Variants in CRIM1 observed in about 807,000 individuals in gnomAD.
CRIM1 encodes cysteine-rich motor neuron 1 protein.
A neutral mutation model predicts 116.4 loss-of-function variants in CRIM1; 32 were observed. The observed-to-expected ratio is 0.27, with a 90% confidence interval of 0.21 to 0.37. The LOEUF (loss-of-function observed/expected upper bound fraction) is 0.37. Ranked by LOEUF, CRIM1 falls within the 10% of genes least tolerant of loss-of-function variation. The pLI is 1.00. For missense variants in CRIM1, 1,331 were observed against 1,354.8 expected, an observed-to-expected ratio of 0.98 and a Z score of 0.28; for synonymous variants, 590 against 509.2, an observed-to-expected ratio of 1.16 and a Z score of -2.13.
intron 4 of CRIM1, among the ~76,000 whole-genome samples, chr2:36,449,035 T>G (rs1240722507): frequency 4.4e-5 from 3 of 67,996 alleles, no homozygotes; most frequent in Non-Finnish European, 6.6e-5. Context: ...TTTTGACTTG[T>G]TTTTTTTTTT....
At chr2:36,536,774 C>CT (rs900571316) in intron 13 of CRIM1, among the ~76,000 whole-genome samples, 4 of 151,168 alleles carry the variant, frequency 2.6e-5, no homozygotes, top group Admixed American at 6.6e-5. Context: ...ACAAATAGCT[C>CT]TTTTTTTCTC....
chr2:36,410,935 A>T (rs1172778893), intron 2 of CRIM1, among the ~76,000 whole-genome samples: 2 of 152,152 alleles, frequency 1.3e-5, no homozygotes, highest in African/African-American at 4.8e-5. Context: ...TCCTGCTCTG[A>T]CCTCAGAGGA....
At chr2:36,366,119 C>T (rs1318821941) in intron 1 of CRIM1, among the ~76,000 whole-genome samples, 1 of 152,192 alleles carries the variant, frequency 6.6e-6, no homozygotes, top group Non-Finnish European at 1.5e-5. Flanking sequence ...ATTCATAAGG[C>T]AGATGCTTTA....
intron 2 of CRIM1, among the ~76,000 whole-genome samples, chr2:36,415,111 A>G (rs1449878741): frequency 6.6e-6 from 1 of 152,070 alleles, no homozygotes; most frequent in Non-Finnish European, 1.5e-5. Context: ...ATTTGGAAAT[A>G]CAGTTAAAAG....
chr2:36,472,918 T>A (rs1678647616), intron 5 of CRIM1, among the ~76,000 whole-genome samples: 1 of 152,238 alleles, frequency 6.6e-6, no homozygotes, highest in South Asian at 2.1e-4. Context: ...CATGGTAAGA[T>A]GATTCTTTTT....
chr2:36,527,508 T>C (rs1665833545), intron 13 of CRIM1, among the ~76,000 whole-genome samples: 1 of 152,078 alleles, frequency 6.6e-6, no homozygotes, highest in Non-Finnish European at 1.5e-5. Context: ...TGTCACTGTA[T>C]AGTGATCTTC....
At chr2:36,386,572 A>G (rs977959318) in intron 1 of CRIM1, among the ~76,000 whole-genome samples, 2 of 152,208 alleles carry the variant, frequency 1.3e-5, no homozygotes, top group Admixed American at 1.3e-4. Flanking sequence ...GATTAAATTC[A>G]TGTGCTCGTC....
intron 2 of CRIM1, among the ~76,000 whole-genome samples, chr2:36,424,491 A>C (rs1674303716): frequency 6.6e-6 from 1 of 152,172 alleles, no homozygotes. Flanking sequence ...GACATATCTG[A>C]TGAAAAGCAC....
At chr2:36,370,614 A>G (rs933091404) in intron 1 of CRIM1, among the ~76,000 whole-genome samples, 26 of 152,352 alleles carry the variant, frequency 1.7e-4, no homozygotes, top group African/African-American at 6.3e-4. Context: ...AAAATAATCC[A>G]GGTTATTATA....
chr2:36,409,557 A>G (rs898465326), intron 2 of CRIM1, among the ~76,000 whole-genome samples: 1 of 152,196 alleles, frequency 6.6e-6, no homozygotes, highest in African/African-American at 2.4e-5. Context: ...ACCTCGCCCT[A>G]AGAAGTCTAG....
intron 2 of CRIM1, among the ~76,000 whole-genome samples, chr2:36,401,762 G>C (rs572719327): frequency 3.7e-4 from 57 of 152,368 alleles, no homozygotes; most frequent in African/African-American, 1.3e-3. Context: ...AATCAGAAAT[G>C]TGAAACCATG....
chr2:36,483,842 A>G (rs1212341719), intron 7 of CRIM1, among the ~76,000 whole-genome samples: 1 of 152,214 alleles, frequency 6.6e-6, no homozygotes, highest in Non-Finnish European at 1.5e-5. Context: ...AGACCCTGAT[A>G]CAGGGTTACC....
intron 15 of CRIM1, among the ~76,000 whole-genome samples, chr2:36,544,872 T>G (rs1172693684): frequency 6.6e-6 from 1 of 152,204 alleles, no homozygotes; most frequent in Non-Finnish European, 1.5e-5. Flanking sequence ...CACTGTCTCT[T>G]GTAGATTCCG....
intron 14 of CRIM1, among the ~76,000 whole-genome samples, chr2:36,543,684 TCTG>T (rs1031265987): frequency 7.4e-6 from 1 of 135,162 alleles, no homozygotes; most frequent in African/African-American, 3.0e-5. Flanking sequence ...TGAGAAAAGT[TCTG>T]ATTTTTTTTT....
chr2:36,427,898 T>C (rs910702442), intron 2 of CRIM1, among the ~76,000 whole-genome samples: 2 of 152,340 alleles, frequency 1.3e-5, no homozygotes, highest in Admixed American at 1.3e-4. Context: ...TGTGGCTGGG[T>C]AGCCTATCAG....
intron 1 of CRIM1, among the ~76,000 whole-genome samples, chr2:36,396,372 A>T (rs974171593): frequency 1.3e-5 from 2 of 152,176 alleles, no homozygotes; most frequent in Non-Finnish European, 2.9e-5. Flanking sequence ...GTGGTTTTTT[A>T]TTTCCAACCT....
intron 7 of CRIM1, among the ~76,000 whole-genome samples, chr2:36,486,462 G>A (rs1265647014): frequency 2.6e-5 from 4 of 152,038 alleles, no homozygotes; most frequent in African/African-American, 9.7e-5. Context: ...AATGAAGATT[G>A]GTCTTATACT....
At chr2:36,475,927 C>T (rs1418589051) in intron 5 of CRIM1, among the ~76,000 whole-genome samples, 2 of 152,074 alleles carry the variant, frequency 1.3e-5, no homozygotes, top group Non-Finnish European at 2.9e-5. Flanking sequence ...GAATAAGTCT[C>T]ACTTGGTCAT....
rs777142322 is a variant in CRIM1, at chr2:36,464,519, T to C, written c.870-15T>C. 1.2e-6 allele frequency: 2 copies of C among 1,613,868 alleles called. No homozygotes were observed. Among genetic ancestry groups the C allele is most frequent in the African/African-American group, 2.7e-5 (2 of 75,034 alleles). On this transcript the variant is annotated splice_polypyrimidine_tract_variant and intron_variant, in intron 4 of 16. Coordinates refer to ENST00000280527, the MANE Select transcript of CRIM1 (RefSeq NM_016441.3). The stretch of plus-strand genomic sequence containing the variant: ...TTTATTCATGGGGTTTTCCTTCCCT[T>C]TTCTTTGGTTTCAGATGCGAGTGTC...
Sources: gnomAD v4.1 joint callset for allele counts (sites outside exome capture counted in the v4.1 genomes callset) on GRCh38, gnomAD v4.1.1 for gene constraint, MANE v1.5 for transcripts, NCBI Gene and HGNC (gene_info 2026-07-23, HGNC 2026-07-21) for gene names.